DACH1: variants seen among roughly 807,000 people sequenced by gnomAD.
The protein encoded by DACH1 is dachshund homolog 1.
In DACH1, 12 loss-of-function variants were observed where a neutral mutation model predicts 54.2. That is an observed-to-expected ratio of 0.22 (90% CI 0.14 to 0.36). The LOEUF (loss-of-function observed/expected upper bound fraction) is 0.36. DACH1 is among the 10% of genes least tolerant of loss of function. The pLI is 1.00. For synonymous variants in DACH1, 386 were observed against 366.2 expected (o/e 1.05, Z -0.62); for missense variants, 805 against 929.8 (o/e 0.87, Z 1.75).
intron 3 of DACH1, among the ~76,000 whole-genome samples, chr13:71,600,323 G>A (rs1318981863): frequency 6.6e-6 from 1 of 152,052 alleles, no homozygotes; most frequent in Non-Finnish European, 1.5e-5. Context: ...GGCCACATAA[G>A]TAAGCCACTA....
chr13:71,488,680 TAAAC>T (rs1878738505), intron 7 of DACH1, among the ~76,000 whole-genome samples: 1 of 151,826 alleles, frequency 6.6e-6, no homozygotes, highest in African/African-American at 2.4e-5. Flanking sequence ...CAGACAAACT[TAAAC>T]AGTTAAATTC....
intron 1 of DACH1, among the ~76,000 whole-genome samples, chr13:71,815,962 G>A (rs1260781261): frequency 2.0e-5 from 3 of 151,960 alleles, no homozygotes; most frequent in Middle Eastern, 3.2e-3. Context: ...GCGGGCGCCT[G>A]TAGTCCCAGC....
At chr13:71,499,154 C>T (rs1879707415) in intron 6 of DACH1, among the ~76,000 whole-genome samples, 1 of 150,910 alleles carries the variant, frequency 6.6e-6, no homozygotes, top group African/African-American at 2.4e-5. Context: ...CACACACACA[C>T]ACACTGATTT....
chr13:71,467,218 C>G (rs2138152989), intron 10 of DACH1, among the ~76,000 whole-genome samples: 1 of 151,192 alleles, frequency 6.6e-6, no homozygotes, highest in South Asian at 2.1e-4. Flanking sequence ...TATCCAGTTA[C>G]ATTAAAAAAC....
At chr13:71,445,075 C>G (rs888470862) in intron 10 of DACH1, among the ~76,000 whole-genome samples, 1 of 152,122 alleles carries the variant, frequency 6.6e-6, no homozygotes, top group Non-Finnish European at 1.5e-5. Flanking sequence ...GCCTCCCCCA[C>G]GATAAGCCCC....
chr13:71,470,403 G>T (rs1210254514), intron 10 of DACH1, among the ~76,000 whole-genome samples: 1 of 151,778 alleles, frequency 6.6e-6, no homozygotes, highest in East Asian at 1.9e-4. Context: ...CTGCCTCAAA[G>T]GTTCAAGTGA....
intron 1 of DACH1, among the ~76,000 whole-genome samples, chr13:71,765,583 GAATA>G (rs1467792010): frequency 6.6e-6 from 1 of 152,016 alleles, no homozygotes; most frequent in African/African-American, 2.4e-5. Flanking sequence ...CTAAACACAA[GAATA>G]AATGAGAGCC....
At chr13:71,722,397 T>C (rs997449696) in intron 1 of DACH1, among the ~76,000 whole-genome samples, 1 of 152,170 alleles carries the variant, frequency 6.6e-6, no homozygotes, top group Non-Finnish European at 1.5e-5. Flanking sequence ...GTCCTTCCTA[T>C]GTGAAACTCC....
Position 71,867,101 on chromosome 13 carries a change from G to A in DACH1, c.-332C>T, listed in dbSNP as rs954903040. 2 of 232,954 alleles carry A rather than the reference G, an allele frequency of 8.6e-6. No homozygotes were observed. Among genetic ancestry groups the A allele is most frequent in the African/African-American group, 4.5e-5 (2 of 44,382 alleles). The allele number at this position is 232,954 out of a possible 1,614,324, so 14.4% of individuals were successfully genotyped here. ...GGGGAGGGTCGGCTGTTGTTGTGTG[G>A]GTCTCGCTCTAGCACAAAGTTAAGG... On this transcript the variant is annotated 5_prime_UTR_variant, in exon 1 of 11. Transcript: ENST00000613252.
At chr13:71,666,092 AT>A (rs1250221580) in intron 2 of DACH1, among the ~76,000 whole-genome samples, 7 of 152,140 alleles carry the variant, frequency 4.6e-5, no homozygotes, top group African/African-American at 1.7e-4. Context: ...ATTTAACAAC[AT>A]TTTGGCCAGA....
chr13:71,850,032 C>A (rs376628436), intron 1 of DACH1, among the ~76,000 whole-genome samples: 10 of 152,276 alleles, frequency 6.6e-5, no homozygotes, highest in African/African-American at 1.9e-4. Flanking sequence ...TCTAGTTGAA[C>A]AGCCCAAACA....
chr13:71,511,743 T>C (rs993076144), intron 6 of DACH1, among the ~76,000 whole-genome samples: 2 of 151,978 alleles, frequency 1.3e-5, no homozygotes, highest in Non-Finnish European at 2.9e-5. Context: ...ATTATAATGA[T>C]TACCTTTCTT....
At chr13:71,863,186 TA>T (rs1216487616) in intron 1 of DACH1, among the ~76,000 whole-genome samples, 1 of 152,054 alleles carries the variant, frequency 6.6e-6, no homozygotes, top group African/African-American at 2.4e-5. Context: ...AATAAGACAA[TA>T]ATGCTTATAA....
intron 10 of DACH1, among the ~76,000 whole-genome samples, chr13:71,456,494 A>G (rs1353099637): frequency 1.3e-5 from 2 of 152,058 alleles, no homozygotes; most frequent in Admixed American, 6.6e-5. Flanking sequence ...GATTTCGAGA[A>G]GCATTATGAA....
At chr13:71,705,933 T>G (rs1042658847) in intron 1 of DACH1, among the ~76,000 whole-genome samples, 1 of 152,072 alleles carries the variant, frequency 6.6e-6, no homozygotes. Flanking sequence ...TAACCTTCAA[T>G]TTATATCCTT....
chr13:71,860,812 T>C (rs1874301479), intron 1 of DACH1, among the ~76,000 whole-genome samples: 1 of 152,008 alleles, frequency 6.6e-6, no homozygotes, highest in African/African-American at 2.4e-5. Flanking sequence ...AAAATAATAC[T>C]AATTGATAGT....
At chr13:71,458,613 C>A (rs947814546) in intron 10 of DACH1, among the ~76,000 whole-genome samples, 5 of 151,762 alleles carry the variant, frequency 3.3e-5, no homozygotes, top group African/African-American at 9.7e-5. Flanking sequence ...GCCAACAAAG[C>A]TAAAAATGAG....
intron 1 of DACH1, among the ~76,000 whole-genome samples, chr13:71,764,141 T>G (rs998059776): frequency 6.6e-6 from 1 of 152,216 alleles, no homozygotes; most frequent in East Asian, 1.9e-4. Flanking sequence ...CATTTTTAAC[T>G]AATATTATTC....
intron 1 of DACH1, among the ~76,000 whole-genome samples, chr13:71,720,402 G>A (rs1170797508): frequency 6.6e-6 from 1 of 152,126 alleles, no homozygotes; most frequent in Non-Finnish European, 1.5e-5. Flanking sequence ...TTCTCTCTCA[G>A]AAATATATAT....
Sources: allele counts gnomAD v4.1 joint callset (sites outside exome capture counted in the v4.1 genomes callset), GRCh38; gene constraint gnomAD v4.1.1; transcripts MANE v1.5; gene names NCBI Gene and HGNC (gene_info 2026-07-23, HGNC 2026-07-21).